Variants in RANBP2 observed in about 807,000 individuals in gnomAD.
The protein encoded by RANBP2 is E3 SUMO-protein ligase RanBP2.
In RANBP2, 57 loss-of-function variants were observed where a neutral mutation model predicts 303.6. The ratio of observed to expected loss-of-function variants is 0.19; its 90% confidence interval spans 0.15 to 0.23. The LOEUF (loss-of-function observed/expected upper bound fraction) is 0.23. Ranked by LOEUF, RANBP2 falls within the 10% of genes least tolerant of loss-of-function variation. The pLI, the probability that RANBP2 is intolerant of heterozygous loss-of-function variation, is 1.00. For synonymous variants in RANBP2, 1,167 were observed against 1,301.5 expected, an observed-to-expected ratio of 0.90 and a Z score of 2.23; for missense variants, 3,138 against 3,780.8, an observed-to-expected ratio of 0.83 and a Z score of 4.46.
the RANBP2 span, among the ~76,000 whole-genome samples, chr2:109,593,452 C>CTGGA: frequency 2.8e-5 from 4 of 145,044 alleles, no homozygotes; most frequent in Non-Finnish European, 6.0e-5. Context: ...GTCACCCAGA[C>CTGGA]TGGAGTGCAA....
chr2:109,362,433 G>A, the RANBP2 span, among the ~76,000 whole-genome samples: 2 of 152,150 alleles, frequency 1.3e-5, no homozygotes, highest in Admixed American at 1.3e-4. Context: ...AGTAGACATT[G>A]TATGATTTTT....
chr2:109,146,048 C>T, the RANBP2 span, among the ~76,000 whole-genome samples: 3 of 132,616 alleles, frequency 2.3e-5, no homozygotes, highest in African/African-American at 4.2e-5. Context: ...CCATGCGGGC[C>T]GAGGGAGTCC....
At chr2:108,861,472 CTTTTTTT>C in the RANBP2 span, among the ~76,000 whole-genome samples, 33 of 123,520 alleles carry the variant, frequency 2.7e-4, no homozygotes, top group African/African-American at 1.3e-3. Context: ...AACTTTCTTC[CTTTTTTT>C]TTTTTTTTTT....
chr2:109,172,437 A>C, the RANBP2 span, among the ~76,000 whole-genome samples: 1 of 152,182 alleles, frequency 6.6e-6, no homozygotes, highest in East Asian at 1.9e-4. Context: ...AAAAACATTA[A>C]AATACGTTTA....
chr2:109,394,468 G>A, the RANBP2 span, among the ~76,000 whole-genome samples: 13,118 of 152,292 alleles, frequency 0.086, 729 homozygotes, highest in East Asian at 0.25. Flanking sequence ...CAGAACAGGG[G>A]CAGGCTCTGG....
At position 108,745,632 on chromosome 2, in the gene RANBP2, C is replaced by CT. The variant is rs1350288109; in HGVS notation, c.976-1076dup. On this transcript the variant is annotated intron_variant, in intron 7 of 28. Transcript: ENST00000283195. ...TTCATAGGTTATTGCATGAGGATCT[C>CT]TTTAATTTCCTGGTTGTCCCATTTA... 4.0e-5 allele frequency among the ~76,000 whole-genome samples: 6 copies of CT among 151,336 alleles called. No homozygotes were observed. The East Asian group carries it at 1.2e-3, about 29-fold the overall frequency.
the RANBP2 span, among the ~76,000 whole-genome samples, chr2:109,633,266 G>A: frequency 7.6e-4 from 116 of 152,090 alleles, 1 homozygote; most frequent in African/African-American, 2.7e-3. Flanking sequence ...GGTGGTGCTC[G>A]CCTGTAGTCC....
the RANBP2 span, among the ~76,000 whole-genome samples, chr2:109,643,040 G>T: frequency 6.6e-6 from 1 of 151,964 alleles, no homozygotes; most frequent in Non-Finnish European, 1.5e-5. Context: ...CATTAGCCGG[G>T]TGTGATGGCT....
the RANBP2 span, among the ~76,000 whole-genome samples, chr2:109,194,910 G>A: frequency 1.3e-5 from 2 of 151,940 alleles, no homozygotes; most frequent in Non-Finnish European, 2.9e-5. Flanking sequence ...AAAGAAAAAA[G>A]AAAAAGAAAA....
the RANBP2 span, among the ~76,000 whole-genome samples, chr2:109,342,854 A>T: frequency 6.6e-6 from 1 of 152,254 alleles, no homozygotes. Flanking sequence ...CATGAAATTG[A>T]CATTATAAGT....
chr2:109,234,944 G>A, the RANBP2 span, among the ~76,000 whole-genome samples: 1 of 152,208 alleles, frequency 6.6e-6, no homozygotes, highest in Admixed American at 6.5e-5. Context: ...TTGTATGAGT[G>A]TCCTAACCTC....
the RANBP2 span, among the ~76,000 whole-genome samples, chr2:108,844,034 T>G: frequency 6.6e-6 from 1 of 151,560 alleles, no homozygotes; most frequent in African/African-American, 2.4e-5. Context: ...GTTAATTTTT[T>G]TTTGTTTTGT....
the RANBP2 span, among the ~76,000 whole-genome samples, chr2:109,314,185 T>C: frequency 6.6e-6 from 1 of 152,082 alleles, no homozygotes; most frequent in African/African-American, 2.4e-5. Context: ...GACCAGCGGG[T>C]GGGTGTCCAG....
At chr2:109,221,505 C>T in the RANBP2 span, among the ~76,000 whole-genome samples, 1 of 150,736 alleles carries the variant, frequency 6.6e-6, no homozygotes, top group African/African-American at 2.5e-5. Flanking sequence ...TTGCTTGAAC[C>T]TGGGAGGCAG....
the RANBP2 span, among the ~76,000 whole-genome samples, chr2:109,410,135 T>A: frequency 1.3e-5 from 2 of 152,276 alleles, no homozygotes; most frequent in South Asian, 4.1e-4. Flanking sequence ...GAGGCTCTAG[T>A]GTCTGGTTAC....
At chr2:109,143,557 A>T in the RANBP2 span, among the ~76,000 whole-genome samples, 1 of 152,156 alleles carries the variant, frequency 6.6e-6, no homozygotes, top group Admixed American at 6.5e-5. Context: ...AGCCTGGGCA[A>T]CATAGCAAGT....
the RANBP2 span, among the ~76,000 whole-genome samples, chr2:109,130,286 T>A: frequency 0.73 from 111,175 of 152,154 alleles, 43,495 homozygotes; most frequent in Non-Finnish European, 0.89. Context: ...ATCCGGCCCC[T>A]GGGCAGCTCG....
the RANBP2 span, among the ~76,000 whole-genome samples, chr2:109,319,859 A>G: frequency 6.6e-6 from 1 of 152,302 alleles, no homozygotes; most frequent in South Asian, 2.1e-4. Context: ...CAGTAGGAGT[A>G]TCAGCCCATT....
chr2:109,183,071 T>G, the RANBP2 span, among the ~76,000 whole-genome samples: 1 of 152,192 alleles, frequency 6.6e-6, no homozygotes, highest in Non-Finnish European at 1.5e-5. Context: ...CCACAATGAC[T>G]AATTTATTCA....
Sources: gnomAD v4.1 joint callset for allele counts (sites outside exome capture counted in the v4.1 genomes callset) on GRCh38, gnomAD v4.1.1 for gene constraint, MANE v1.5 for transcripts, NCBI Gene and HGNC (gene_info 2026-07-23, HGNC 2026-07-21) for gene names.